TBX5: variants seen among roughly 807,000 people sequenced by gnomAD.
TBX5 encodes the protein T-box transcription factor 5.
TBX5 carries 8 observed loss-of-function variants against 51.1 expected under a neutral mutation model. That is an observed-to-expected ratio of 0.16 (90% confidence interval 0.09 to 0.28). The LOEUF is 0.28. TBX5 is among the 10% of genes least tolerant of loss of function. TBX5 has a pLI of 1.00. For missense variants in TBX5, 589 were observed against 671.7 expected (o/e 0.88, Z 1.36); for synonymous variants, 302 against 266.4 (o/e 1.13, Z -1.30).
intron 7 of TBX5, among the ~76,000 whole-genome samples, chr12:114,370,997 G>C (rs1869871485): frequency 6.6e-6 from 1 of 151,894 alleles, no homozygotes; most frequent in Admixed American, 6.6e-5. Context: ...AGTGATAAAA[G>C]TCCCCATAAG....
rs1420879584 is a variant in TBX5, at chr12:114,355,524, G to A, written c.*8C>T. The A allele has an allele frequency of 6.2e-7, 1 of 1,613,884 alleles. No individual in the cohort carries two copies. ...CTAGGAAATGTCTGTTGTGAAGCAGGCCTCACTTTAGCTATTGTCGCTCCA... is the reference window on the plus strand; with the variant it reads ...CTAGGAAATGTCTGTTGTGAAGCAGACCTCACTTTAGCTATTGTCGCTCCA... On this transcript the variant is annotated 3_prime_UTR_variant, in exon 9 of 9. Coordinates refer to ENST00000405440, the MANE Select transcript of TBX5 (RefSeq NM_181486.4).
At chr12:114,387,055 G>A (rs374272054) in intron 6 of TBX5, among the ~76,000 whole-genome samples, 5 of 150,496 alleles carry the variant, frequency 3.3e-5, no homozygotes, top group African/African-American at 9.8e-5. Flanking sequence ...GCAGTGAGCC[G>A]AGATCACACC....
Position 114,405,873 on chromosome 12 carries a change from A to C in TBX5, c.-284T>G, listed in dbSNP as rs1872185932. 1 of 985,462 alleles carries C rather than the reference A, an allele frequency of 1.0e-6. No individual in the cohort carries two copies. The highest frequency in any genetic ancestry group is 1.2e-6 in the Non-Finnish European group (1 of 829,984). 61.0% of individuals were successfully genotyped at this position (985,462 alleles called of 1,614,324 possible). On this transcript the variant is annotated 5_prime_UTR_variant, in exon 1 of 9. Transcript: ENST00000405440. The stretch of plus-strand genomic sequence containing the variant: ...TCTCCCTAAATACTTCCCAGTTGGC[A>C]AGCGCCAAAGAACACAAAATAGCCT...
chr12:114,367,757 T>C (rs1186192774), intron 7 of TBX5, among the ~76,000 whole-genome samples: 1 of 152,158 alleles, frequency 6.6e-6, no homozygotes, highest in East Asian at 1.9e-4. Flanking sequence ...TAACATCCCA[T>C]ATCCAGCATT....
chr12:114,380,070 T>G (rs1475890679), intron 7 of TBX5, among the ~76,000 whole-genome samples: 1 of 152,188 alleles, frequency 6.6e-6, no homozygotes, highest in Non-Finnish European at 1.5e-5. Flanking sequence ...CCTTGCCCAC[T>G]TCTTCCTTGC....
intron 5 of TBX5, among the ~76,000 whole-genome samples, chr12:114,398,300 A>G (rs1212035722): frequency 1.3e-5 from 2 of 152,124 alleles, no homozygotes; most frequent in African/African-American, 2.4e-5. Context: ...AGAGGATGAA[A>G]TAGTAGGAAG....
upstream of TBX5, chr12:114,407,699 A>T (rs1311272163): frequency 1.1e-6 from 1 of 907,258 alleles, no homozygotes; most frequent in African/African-American, 1.8e-5. Flanking sequence ...GTTCATGAGA[A>T]GTAGCAGCAC....
intron 5 of TBX5, among the ~76,000 whole-genome samples, chr12:114,397,755 G>C (rs1871515654): frequency 6.6e-6 from 1 of 152,068 alleles, no homozygotes; most frequent in Non-Finnish European, 1.5e-5. Flanking sequence ...GCACAGTGTG[G>C]AAAGGGAGAA....
In TBX5 at chr12:114,385,499, C is replaced by G. The variant is rs769541948; in HGVS notation, c.732G>C (p.Leu244=). The G allele has an allele frequency of 6.2e-7, 1 of 1,614,138 alleles. No individual in the cohort carries two copies. The change falls in exon 7 of 9, where the codon CTG becomes CTC. Residue 244 remains leucine (L), a synonymous_variant. Coordinates refer to ENST00000405440, the MANE Select transcript of TBX5 (RefSeq NM_181486.4). The stretch of plus-strand genomic sequence containing the variant: ...ACCTTTGCATTCTTGACATTCTGTG[C>G]AGCTCCATGTCATCACTGCCCCGAA... ...KGFRGSDDME[L]HRMSRMQSKE...
At chr12:114,389,857 G>A (rs555407743) in intron 6 of TBX5, among the ~76,000 whole-genome samples, 2 of 145,942 alleles carry the variant, frequency 1.4e-5, no homozygotes, top group South Asian at 4.4e-4. Context: ...AGTAAATGTC[G>A]AAGATGGTGA....
intron 7 of TBX5, among the ~76,000 whole-genome samples, chr12:114,372,360 G>A (rs1869956732): frequency 1.3e-5 from 2 of 152,060 alleles, no homozygotes; most frequent in Non-Finnish European, 2.9e-5. Flanking sequence ...GCTGGAGTGA[G>A]GTGGCATGAA....
chr12:114,358,225 G>A (rs1056606832), intron 8 of TBX5, among the ~76,000 whole-genome samples: 15 of 152,330 alleles, frequency 9.8e-5, no homozygotes, highest in African/African-American at 3.6e-4. Context: ...GCTCCAAAGT[G>A]CTAGGTATTG....
chr12:114,388,540 T>C (rs1870950303), intron 6 of TBX5, among the ~76,000 whole-genome samples: 1 of 151,286 alleles, frequency 6.6e-6, no homozygotes, highest in African/African-American at 2.4e-5. Flanking sequence ...TGCAGTGGAG[T>C]GACCATAGCT....
chr12:114,376,886 TG>T (rs1160215098), intron 7 of TBX5, among the ~76,000 whole-genome samples: 1 of 139,776 alleles, frequency 7.2e-6, no homozygotes, highest in African/African-American at 2.7e-5. Context: ...ATAGCAGATA[TG>T]CTGGGGATGG....
At chr12:114,373,162 T>C (rs1362554739) in intron 7 of TBX5, among the ~76,000 whole-genome samples, 1 of 152,182 alleles carries the variant, frequency 6.6e-6, no homozygotes, top group Non-Finnish European at 1.5e-5. Flanking sequence ...TCACTTTTTC[T>C]AGGAAGAGGT....
chr12:114,372,685 C>T (rs1205234259), intron 7 of TBX5, among the ~76,000 whole-genome samples: 2 of 152,050 alleles, frequency 1.3e-5, no homozygotes, highest in African/African-American at 4.8e-5. Flanking sequence ...CTCTCCCTGG[C>T]CTTAAGTACC....
At position 114,367,580 on chromosome 12, in the gene TBX5, C is replaced by T. The variant is rs552653434; in HGVS notation, c.756-1189G>A. Reference sequence around the variant, plus strand: ...AACCTCTCCTGGGAAGAAGGAAAGTCGTGCTGTGCAGCAGCAGGAGGCTCA... The same window carrying T: ...AACCTCTCCTGGGAAGAAGGAAAGTTGTGCTGTGCAGCAGCAGGAGGCTCA... On this transcript the variant is annotated intron_variant, in intron 7 of 8. Transcript: ENST00000405440. Among the ~76,000 whole-genome samples the T allele has an allele frequency of 5.5e-4, 81 of 147,342 alleles. 2 individuals carry two copies. Among genetic ancestry groups the T allele is most frequent in the African/African-American group, 1.9e-3 (76 of 39,870 alleles).
chr12:114,397,901 T>C (rs1871526663), intron 5 of TBX5, among the ~76,000 whole-genome samples: 1 of 152,194 alleles, frequency 6.6e-6, no homozygotes, highest in African/African-American at 2.4e-5. Flanking sequence ...CCCTCTCCCC[T>C]GGAACATCCC....
In TBX5 at chr12:114,354,623, T is replaced by C. The variant is rs184360838; in HGVS notation, c.*909A>G. The C allele has an allele frequency of 1.9e-3, 291 of 152,774 alleles. 2 individuals carry two copies. Among genetic ancestry groups the C allele is most frequent in the Admixed American group, 3.0e-3 (46 of 15,306 alleles). The allele number at this position is 152,774 out of a possible 1,614,324, so 9.5% of individuals were successfully genotyped here. ...CAGGAAGAATATTTATTTTGGCTTT[T>C]TGTCCACAACTCTTGTCAACACAGA... On this transcript the variant is annotated 3_prime_UTR_variant, in exon 9 of 9. Transcript: ENST00000405440.
Sources: allele counts gnomAD v4.1 joint callset (sites outside exome capture counted in the v4.1 genomes callset), GRCh38; gene constraint gnomAD v4.1.1; transcripts MANE v1.5; gene names NCBI Gene and HGNC (gene_info 2026-07-23, HGNC 2026-07-21).